The following PPM1E variants were observed in gnomAD, a reference collection of about 807,000 sequenced individuals.
PPM1E encodes protein phosphatase, Mg2+/Mn2+ dependent 1E.
Under a neutral mutation model 65.9 loss-of-function variants are expected in PPM1E, and 20 were observed. The ratio of observed to expected loss-of-function variants is 0.30; its 90% CI spans 0.21 to 0.44. PPM1E has a LOEUF of 0.44. Among genes scored for constraint, PPM1E ranks in the 20% least tolerant of loss-of-function variants. The pLI, the probability that PPM1E is intolerant of heterozygous loss-of-function variation, is 1.00. For missense variants in PPM1E, 713 were observed against 953.1 expected, an observed-to-expected ratio of 0.75 and a Z score of 3.32; for synonymous variants, 352 against 374.9, an observed-to-expected ratio of 0.94 and a Z score of 0.70.
At chr17:58,924,260 AAGGG>A (rs926995792) in intron 1 of PPM1E, among the ~76,000 whole-genome samples, 3 of 148,918 alleles carry the variant, frequency 2.0e-5, no homozygotes, top group Admixed American at 6.7e-5. Flanking sequence ...GGAAGGAAGG[AAGGG>A]AGGGAGGGAG....
chr17:58,826,961 T>G (rs1464444794), intron 1 of PPM1E, among the ~76,000 whole-genome samples: 1 of 151,946 alleles, frequency 6.6e-6, no homozygotes, highest in Non-Finnish European at 1.5e-5. Context: ...TTATATACTT[T>G]TAAGGAGCTT....
At chr17:58,934,797 G>A (rs2051955228) in intron 1 of PPM1E, among the ~76,000 whole-genome samples, 1 of 151,750 alleles carries the variant, frequency 6.6e-6, no homozygotes, top group South Asian at 2.1e-4. Context: ...CATGGTGGTG[G>A]GCACCTGTAA....
rs925631576 is a variant in PPM1E at position 58,889,330 on chromosome 17, G to A, written c.465-66319G>A. ...TAAAAATCATTTTAGGCCAGGTGCG[G>A]TGGCTCACACCTGTAATCCCAGCAC... On this transcript the variant is annotated intron_variant, in intron 1 of 6. Transcript: ENST00000308249. 2.6e-5 allele frequency among the ~76,000 whole-genome samples: 4 copies of A among 152,166 alleles called. No homozygotes were observed. The South Asian group carries it at 6.2e-4, about 24-fold the overall frequency.
intron 1 of PPM1E, among the ~76,000 whole-genome samples, chr17:58,904,179 TGAA>T (rs1482848468): frequency 3.3e-5 from 5 of 152,234 alleles, no homozygotes; most frequent in East Asian, 3.9e-4. Flanking sequence ...GTATAGAAGT[TGAA>T]GAAAAGAAGT....
chr17:58,767,869 C>G (rs1157280842), intron 1 of PPM1E, among the ~76,000 whole-genome samples: 1 of 151,472 alleles, frequency 6.6e-6, no homozygotes, highest in Non-Finnish European at 1.5e-5. Flanking sequence ...CTCGAACTCC[C>G]GACCTCAGGT....
chr17:58,964,192 T>C (rs2030139249), intron 2 of PPM1E, among the ~76,000 whole-genome samples: 1 of 152,216 alleles, frequency 6.6e-6, no homozygotes, highest in African/African-American at 2.4e-5. Context: ...TGTCACTTAT[T>C]TTCTCAGGCT....
chr17:58,881,402 G>A (rs1163663770), intron 1 of PPM1E, among the ~76,000 whole-genome samples: 4 of 152,102 alleles, frequency 2.6e-5, no homozygotes, highest in Admixed American at 6.6e-5. Flanking sequence ...GGTGGCTCAC[G>A]CCTGTAATCC....
At chr17:58,827,107 A>G (rs550262006) in intron 1 of PPM1E, among the ~76,000 whole-genome samples, 1 of 150,230 alleles carries the variant, frequency 6.7e-6, no homozygotes, top group East Asian at 2.0e-4. Flanking sequence ...AATATATAAA[A>G]GCCTGCATTC....
chr17:58,779,732 C>T (rs2050033437), intron 1 of PPM1E, among the ~76,000 whole-genome samples: 1 of 152,162 alleles, frequency 6.6e-6, no homozygotes, highest in Admixed American at 6.5e-5. Context: ...TCCCAAAGTG[C>T]TAAAATGTAA....
At chr17:58,881,577 G>C (rs1025122466) in intron 1 of PPM1E, among the ~76,000 whole-genome samples, 2 of 151,986 alleles carry the variant, frequency 1.3e-5, no homozygotes, top group Non-Finnish European at 2.9e-5. Context: ...GCAGAAAATT[G>C]CCTGAACCCG....
intron 1 of PPM1E, among the ~76,000 whole-genome samples, chr17:58,759,399 CTG>C (rs1221139462): frequency 1.3e-5 from 2 of 152,112 alleles, no homozygotes; most frequent in African/African-American, 2.4e-5. Context: ...GATTTTATAA[CTG>C]AGATAATTTG....
intron 1 of PPM1E, among the ~76,000 whole-genome samples, chr17:58,863,506 A>G (rs2050964838): frequency 6.6e-6 from 1 of 152,156 alleles, no homozygotes; most frequent in Non-Finnish European, 1.5e-5. Context: ...AGAGCCCCAG[A>G]GGGCATATCA....
intron 1 of PPM1E, among the ~76,000 whole-genome samples, chr17:58,849,822 A>T (rs575165828): frequency 6.6e-6 from 1 of 152,126 alleles, no homozygotes; most frequent in Non-Finnish European, 1.5e-5. Flanking sequence ...GCTGAGTTCA[A>T]TTCCTGGATA....
intron 1 of PPM1E, among the ~76,000 whole-genome samples, chr17:58,815,252 A>G (rs1429053497): frequency 6.6e-6 from 1 of 152,252 alleles, no homozygotes; most frequent in Non-Finnish European, 1.5e-5. Flanking sequence ...GCTGAATGCC[A>G]TTGTGTTAGC....
intron 1 of PPM1E, among the ~76,000 whole-genome samples, chr17:58,868,798 G>C (rs1355428657): frequency 1.3e-5 from 2 of 152,062 alleles, no homozygotes; most frequent in Non-Finnish European, 2.9e-5. Context: ...ACTAGATAAT[G>C]AGTTTGAGGA....
At chr17:58,979,926 C>A in intron 6 of PPM1E, 48 bp from the exon 7 acceptor site, 3 of 1,460,204 alleles carry the variant, frequency 2.1e-6, no homozygotes, top group Non-Finnish European at 2.8e-6. Context: ...TCTTAGCATG[C>A]AAGGTAAAAC....
In PPM1E at chr17:58,917,458, A is replaced by G. The variant is rs114222557; in HGVS notation, c.465-38191A>G. Among the ~76,000 whole-genome samples, 1,366 of 152,292 alleles carry G rather than the reference A, an allele frequency of 9.0e-3. 16 individuals carry two copies. The highest frequency in any genetic ancestry group is 0.031 in the African/African-American group (1,305 of 41,556). ...CTCTGTGACAGTTTTTCCTAAGGCA[A>G]TGCCCAGATGTGTTGTGGTTAAGGT... On this transcript the variant is annotated intron_variant, in intron 1 of 6. Coordinates refer to ENST00000308249, the MANE Select transcript of PPM1E (RefSeq NM_014906.5).
chr17:58,936,050 C>A (rs1218785833), intron 1 of PPM1E, among the ~76,000 whole-genome samples: 1 of 151,606 alleles, frequency 6.6e-6, no homozygotes, highest in East Asian at 1.9e-4. Flanking sequence ...AAACCCAGAA[C>A]TGCAGGAACT....
intron 1 of PPM1E, among the ~76,000 whole-genome samples, chr17:58,806,947 C>T (rs1282142494): frequency 6.6e-6 from 1 of 151,750 alleles, no homozygotes; most frequent in Non-Finnish European, 1.5e-5. Context: ...CCTCGTGATC[C>T]ACCTGCCTCA....
Sources: allele counts gnomAD v4.1 joint callset (sites outside exome capture counted in the v4.1 genomes callset), GRCh38; gene constraint gnomAD v4.1.1; transcripts MANE v1.5; gene names NCBI Gene and HGNC (gene_info 2026-07-23, HGNC 2026-07-21).